HK2: variants seen among roughly 807,000 people sequenced by gnomAD.
HK2 encodes the protein hexokinase 2, also known as hexokinase-2.
Under a neutral mutation model 92.9 loss-of-function variants are expected in HK2, and 42 were observed. The ratio of observed to expected loss-of-function variants is 0.45; its 90% CI spans 0.35 to 0.58. The LOEUF (loss-of-function observed/expected upper bound fraction) is 0.58. Ranked by LOEUF, HK2 falls within the 20% of genes least tolerant of loss-of-function variation. HK2 has a pLI of 0.00. For missense variants in HK2, 978 were observed against 1,245.1 expected, an observed-to-expected ratio of 0.79 and a Z score of 3.23; for synonymous variants, 422 against 468.0, an observed-to-expected ratio of 0.90 and a Z score of 1.27.
chr2:74,873,746 A>AAGAAGGAGG lies in HK2; in HGVS notation c.592-96_592-95insAAGGAGGAG, dbSNP rs1553448697. The AAGAAGGAGG allele has an allele frequency of 2.7e-4, 196 of 735,626 alleles. 1 individual carries two copies. Among genetic ancestry groups the AAGAAGGAGG allele is most frequent in the African/African-American group, 1.8e-3 (95 of 53,928 alleles). 45.6% of individuals were successfully genotyped at this position (735,626 alleles called of 1,614,324 possible). A position where few individuals can be genotyped will look rare whatever the true frequency, so the allele number is the denominator to read the frequency against. On this transcript the variant is annotated intron_variant, in intron 5 of 17. Transcript: ENST00000290573. ...GGGGAGGGAGGGGGGAGAGAGAGAG[A>AAGAAGGAGG]AGGAGGAGGAGGAGGAGGAGGAGTG...
intron 2 of HK2, among the ~76,000 whole-genome samples, chr2:74,854,670 C>T (rs1305861801): frequency 1.3e-5 from 2 of 152,222 alleles, no homozygotes; most frequent in Non-Finnish European, 2.9e-5. Flanking sequence ...TTTGTCAGCC[C>T]TACTGTGGCA....
In HK2 at chr2:74,878,583, G is replaced by A. The variant is rs28363028; in HGVS notation, c.1032-105G>A. ...TGAAGAGGGATTCTGTCCCCACTGG[G>A]TGGTGAATTTGCTGGAACTAAAGGG... On this transcript the variant is annotated intron_variant, in intron 8 of 17. Coordinates refer to ENST00000290573, the MANE Select transcript of HK2 (RefSeq NM_000189.5). The A allele has an allele frequency of 2.5e-3, 2,130 of 858,376 alleles. 29 individuals are homozygous for A. In the African/African-American group the frequency reaches 0.031, roughly 13 times the overall value. The allele number at this position is 858,376 out of a possible 1,614,324, so 53.2% of individuals were successfully genotyped here.
intron 2 of HK2, among the ~76,000 whole-genome samples, chr2:74,867,274 T>C (rs1026233742): frequency 6.6e-6 from 1 of 151,296 alleles, no homozygotes; most frequent in African/African-American, 2.5e-5. Flanking sequence ...AACTCTGGAA[T>C]GGAAAACCAA....
chr2:74,867,946 G>T, intron 3 of HK2, 162 bp downstream of exon 3: 4 of 801,606 alleles, frequency 5.0e-6, no homozygotes, highest in Non-Finnish European at 8.7e-6. Context: ...CGGAGCTCAG[G>T]CTGTTCTGGT....
intron 17 of HK2, among the ~76,000 whole-genome samples, chr2:74,890,332 C>T (rs576632180): frequency 6.6e-6 from 1 of 152,306 alleles, no homozygotes; most frequent in African/African-American, 2.4e-5. Context: ...TCTTTTGCCT[C>T]CGATGACATT....
intron 1 of HK2, among the ~76,000 whole-genome samples, chr2:74,853,603 A>T (rs1305423762): frequency 6.6e-6 from 1 of 152,004 alleles, no homozygotes; most frequent in Non-Finnish European, 1.5e-5. Context: ...TGAAAGTCCC[A>T]GCTGCTCAGG....
intron 16 of HK2, 65 bp downstream of exon 16, chr2:74,888,123 G>A (rs917140758): frequency 2.1e-5 from 33 of 1,548,734 alleles, no homozygotes; most frequent in Admixed American, 1.3e-4. Context: ...CAGACAAACT[G>A]AAGGATTTCC....
At chr2:74,884,951 G>A (rs887287723) in intron 12 of HK2, among the ~76,000 whole-genome samples, 3 of 152,198 alleles carry the variant, frequency 2.0e-5, no homozygotes, top group African/African-American at 4.8e-5. Flanking sequence ...TCACCCAGCT[G>A]TGGGCAAAGC....
intron 1 of HK2, among the ~76,000 whole-genome samples, chr2:74,849,471 C>CT (rs756339934): frequency 3.9e-5 from 6 of 152,228 alleles, no homozygotes; most frequent in Non-Finnish European, 7.3e-5. Context: ...TTCAGCCAGG[C>CT]TTTGCTCTGG....
chr2:74,858,910 A>G (rs998593516), intron 2 of HK2, among the ~76,000 whole-genome samples: 2 of 152,256 alleles, frequency 1.3e-5, no homozygotes, highest in African/African-American at 2.4e-5. Flanking sequence ...GTTCAAGGTA[A>G]ATCGTGAAGT....
rs777466302 is a variant in HK2 at position 74,834,563 on chromosome 2, CCGTCGGGCCGCGG to C, written c.-16_-4del. ...TCCGCCTCGGTTTCCCAACTCTGCGCCGTCGGGCCGCGGCAGGATGATTGCCTCGCATCTGCTT... is the reference window on the plus strand; with the variant it reads ...TCCGCCTCGGTTTCCCAACTCTGCGCCAGGATGATTGCCTCGCATCTGCTT... On this transcript the variant is annotated 5_prime_UTR_variant, in exon 1 of 18. Coordinates refer to ENST00000290573, the MANE Select transcript of HK2 (RefSeq NM_000189.5). The surrounding 1 kb of genome is among the most constrained non-coding windows in gnomAD (Gnocchi z 4.2). 1.2e-6 allele frequency: 2 copies of C among 1,613,714 alleles called. No individual in the cohort carries two copies.
chr2:74,873,794 G>T (rs749028508), intron 5 of HK2, 50 bp from the exon 6 acceptor site: 4 of 1,264,558 alleles, frequency 3.2e-6, no homozygotes, highest in Non-Finnish European at 1.2e-6. Context: ...TGTTAGGAAA[G>T]TCGCCCTCTG....
At chr2:74,889,866 C>A (rs1689633750) in intron 17 of HK2, among the ~76,000 whole-genome samples, 1 of 152,194 alleles carries the variant, frequency 6.6e-6, no homozygotes, top group African/African-American at 2.4e-5. Context: ...TTTTCTCACA[C>A]AGTGTTTGTT....
intron 8 of HK2, among the ~76,000 whole-genome samples, 176 bp downstream of exon 8, chr2:74,877,497 T>A (rs564973701): frequency 6.6e-6 from 1 of 152,276 alleles, no homozygotes; most frequent in East Asian, 1.9e-4. Context: ...GTCTCCACTC[T>A]TGTCGATTTC....
intron 16 of HK2, 110 bp from the exon 17 acceptor site, chr2:74,889,135 A>G (rs1346490342): frequency 3.8e-5 from 33 of 861,174 alleles, no homozygotes; most frequent in Non-Finnish European, 1.4e-5. Flanking sequence ...CAGCTCCTGG[A>G]GAGCTAGACC....
At chr2:74,857,668 A>C (rs975186817) in intron 2 of HK2, among the ~76,000 whole-genome samples, 1 of 152,112 alleles carries the variant, frequency 6.6e-6, no homozygotes, top group Non-Finnish European at 1.5e-5. Context: ...AAAATAGATA[A>C]ATTTAAAAAA....
chr2:74,874,519 CA>C (rs1252777074), intron 7 of HK2, 70 bp downstream of exon 7: 2 of 1,453,292 alleles, frequency 1.4e-6, no homozygotes, highest in Non-Finnish European at 1.9e-6. Context: ...TGGTCGGGGC[CA>C]GGGGGTTGTT....
Position 74,838,005 on chromosome 2 carries a change from G to T in HK2, c.63+3362G>T, listed in dbSNP as rs541123602. On this transcript the variant is annotated intron_variant, in intron 1 of 17. Coordinates refer to ENST00000290573, the MANE Select transcript of HK2 (RefSeq NM_000189.5). ...TGCCATTTTTGTGGCCCTGAACTCT[G>T]CTTGGCTTCTTTCCACTTAACCCCT... Among the ~76,000 whole-genome samples, 5 of 152,212 alleles carry T rather than the reference G, an allele frequency of 3.3e-5. No individual in the cohort carries two copies. The East Asian group carries it at 9.7e-4, about 29-fold the overall frequency.
At chr2:74,862,631 G>A (rs1479107184) in intron 2 of HK2, among the ~76,000 whole-genome samples, 3 of 152,194 alleles carry the variant, frequency 2.0e-5, no homozygotes, top group African/African-American at 4.8e-5. Flanking sequence ...ACTGTACAGC[G>A]GAGACATACA....
Sources: gnomAD v4.1 joint callset for allele counts (sites outside exome capture counted in the v4.1 genomes callset) on GRCh38, gnomAD v4.1.1 for gene constraint, Gnocchi (gnomAD v3.1) non-coding constraint, MANE v1.5 for transcripts, NCBI Gene and HGNC (gene_info 2026-07-23, HGNC 2026-07-21) for gene names.